KCNQ1: variants seen among roughly 807,000 people sequenced by gnomAD.
KCNQ1 encodes potassium voltage-gated channel subfamily KQT member 1.
Under a neutral mutation model 72.4 loss-of-function variants are expected in KCNQ1, and 49 were observed. That is an observed-to-expected ratio of 0.68 (90% CI 0.54 to 0.86). The LOEUF (loss-of-function observed/expected upper bound fraction) is 0.86. Among genes scored for constraint, KCNQ1 ranks in the 40% least tolerant of loss-of-function variants. The probability of loss-of-function intolerance (pLI) is 0.00; values close to 1 mark genes in which losing one functional copy is unlikely to be tolerated. For synonymous variants in KCNQ1, 450 were observed against 412.6 expected (o/e 1.09, Z -1.10); for missense variants, 790 against 945.1 (o/e 0.84, Z 2.15).
rs547734938 is a variant in KCNQ1 at position 2,628,702 on chromosome 11, T to A, written c.1394-33259T>A. 4 of 398,420 alleles carry A rather than the reference T, an allele frequency of 1.0e-5. No homozygotes were observed. In the Admixed American group the frequency reaches 1.8e-4, roughly 18 times the overall value. The allele number at this position is 398,420 out of a possible 1,614,324, so 24.7% of individuals were successfully genotyped here. A position where few individuals can be genotyped will look rare whatever the true frequency, so the allele number is the denominator to read the frequency against. On this transcript the variant is annotated intron_variant, in intron 10 of 15. Transcript: ENST00000155840. ...TGCTTTTGATGTCACATCTAAAAAA[T>A]TGTCACAAAAACCAATGGCAAGGAG...
At chr11:2,641,636 T>A (rs954755184) in intron 10 of KCNQ1, 9 of 398,380 alleles carry the variant, frequency 2.3e-5, no homozygotes, top group Non-Finnish European at 3.5e-5. Context: ...AGCTTTATCA[T>A]TTAATATAGT....
chr11:2,635,944 A>G (rs1265324690), intron 10 of KCNQ1: 4 of 152,166 alleles, frequency 2.6e-5, no homozygotes, highest in Non-Finnish European at 5.9e-5. Context: ...TCTTTGAAGC[A>G]ATTGTGAATG....
chr11:2,729,993 G>T (rs763132363), intron 11 of KCNQ1, among the ~76,000 whole-genome samples: 3 of 152,224 alleles, frequency 2.0e-5, no homozygotes, highest in Non-Finnish European at 2.9e-5. Context: ...CTGAAGTGGG[G>T]ATGGGCCCAC....
intron 11 of KCNQ1, among the ~76,000 whole-genome samples, chr11:2,727,720 C>A (rs989621940): frequency 6.6e-6 from 1 of 152,138 alleles, no homozygotes; most frequent in African/African-American, 2.4e-5. Flanking sequence ...GCAGAGTGAG[C>A]TGAATGGAGA....
intron 15 of KCNQ1, among the ~76,000 whole-genome samples, chr11:2,795,877 C>CG (rs1374446403): frequency 2.0e-4 from 31 of 152,216 alleles, no homozygotes. Flanking sequence ...GGGCGGGGGC[C>CG]GGGGGAACAG....
rs778592323 is a variant in KCNQ1 at position 2,544,607 on chromosome 11, G to A, written c.477+16589G>A. Among the ~76,000 whole-genome samples, 76 of 151,968 alleles carry A rather than the reference G, an allele frequency of 5.0e-4. No individual in the cohort carries two copies. The highest frequency in any genetic ancestry group is 9.3e-4 in the Non-Finnish European group (63 of 67,996). On this transcript the variant is annotated intron_variant, in intron 2 of 15. Transcript: ENST00000155840. The surrounding 1 kb of genome is among the most constrained non-coding windows in gnomAD (Gnocchi z 4.4). ...AGTGTTTCATATTTTTTATGCTATG[G>A]TCAATGGTATTTCTTCTAATCTAGA...
Position 2,627,449 on chromosome 11 carries a change from C to T in KCNQ1, c.1394-34512C>T. ...TCTATGTTTGTACCCTTCAACATTT[C>T]CTATTTCCCCTACTCCCTGACCCCT... On this transcript the variant is annotated intron_variant, in intron 10 of 15. Transcript: ENST00000155840. This position sits in a 1 kb window ranked among gnomAD's most constrained non-coding sequence, Gnocchi z 4.9. The T allele has an allele frequency of 2.5e-6, 1 of 398,532 alleles. No homozygotes were observed. Among genetic ancestry groups the T allele is most frequent in the Non-Finnish European group, 4.4e-6 (1 of 226,036 alleles). The allele number at this position is 398,532 out of a possible 1,614,324, so 24.7% of individuals were successfully genotyped here.
At chr11:2,655,350 A>C in intron 10 of KCNQ1, 1 of 398,698 alleles carries the variant, frequency 2.5e-6, no homozygotes, top group Admixed American at 4.4e-5. Context: ...GAATTAAAGC[A>C]TCAAAAACCA....
intron 10 of KCNQ1, chr11:2,646,467 GC>G (rs1849667946): frequency 5.0e-6 from 2 of 398,564 alleles, no homozygotes; most frequent in African/African-American, 4.1e-5. Flanking sequence ...AAATGGGATT[GC>G]TTTCTTCATT....
intron 1 of KCNQ1, among the ~76,000 whole-genome samples, chr11:2,527,283 G>A (rs1242437809): frequency 6.6e-6 from 1 of 152,156 alleles, no homozygotes; most frequent in African/African-American, 2.4e-5. Flanking sequence ...GGAAGCAGAC[G>A]CTTGGTGCAG....
chr11:2,640,570 T>G (rs1849557667), intron 10 of KCNQ1: 1 of 398,300 alleles, frequency 2.5e-6, no homozygotes, highest in Non-Finnish European at 4.4e-6. Flanking sequence ...TCCTTTTTTT[T>G]TTTTTTTTGA....
At position 2,596,793 on chromosome 11, in the gene KCNQ1, A is replaced by G. The variant is rs941401789; in HGVS notation, c.1393+7939A>G. On this transcript the variant is annotated intron_variant, in intron 10 of 15. Coordinates refer to ENST00000155840, the MANE Select transcript of KCNQ1 (RefSeq NM_000218.3). Reference sequence around the variant, plus strand: ...TCATAATCATGGCGATGGTTTCATCATGTGTCAAAAGTTACCAAATTGCAC... The same window carrying G: ...TCATAATCATGGCGATGGTTTCATCGTGTGTCAAAAGTTACCAAATTGCAC... Among the ~76,000 whole-genome samples the G allele has an allele frequency of 2.0e-5, 3 of 152,058 alleles. No individual in the cohort carries two copies. The East Asian group carries it at 5.8e-4, about 29-fold the overall frequency.
chr11:2,528,435 C>T (rs1847548110), intron 2 of KCNQ1, among the ~76,000 whole-genome samples: 1 of 152,230 alleles, frequency 6.6e-6, no homozygotes, highest in African/African-American at 2.4e-5. Flanking sequence ...AGCAGCAGCC[C>T]CCACCCCAGG....
intron 2 of KCNQ1, among the ~76,000 whole-genome samples, chr11:2,529,819 C>G (rs1364402159): frequency 1.3e-5 from 2 of 152,128 alleles, no homozygotes; most frequent in Non-Finnish European, 2.9e-5. Flanking sequence ...GCCCTCCTGG[C>G]TTCTGTGGGC....
rs1474861513 is a variant in KCNQ1 at position 2,541,949 on chromosome 11, G to A, written c.477+13931G>A. Among the ~76,000 whole-genome samples, 1 of 152,172 alleles carries A rather than the reference G, an allele frequency of 6.6e-6. No homozygotes were observed. The highest frequency in any genetic ancestry group is 2.4e-5 in the African/African-American group (1 of 41,446). On this transcript the variant is annotated intron_variant, in intron 2 of 15. Coordinates refer to ENST00000155840, the MANE Select transcript of KCNQ1 (RefSeq NM_000218.3). This position sits in a 1 kb window ranked among gnomAD's most constrained non-coding sequence, Gnocchi z 4.8. ...CTCTGCACCCCTCCTGTGAAAGGCC[G>A]GCGCAGAGCTGCACCGTGGGGTCCC... is the stretch of plus-strand genomic sequence containing the variant.
At chr11:2,581,056 C>T (rs1327686978) in intron 6 of KCNQ1, among the ~76,000 whole-genome samples, 1 of 152,220 alleles carries the variant, frequency 6.6e-6, no homozygotes, top group Non-Finnish European at 1.5e-5. Context: ...TCAGCATGTT[C>T]ATACTGAAGG....
chr11:2,527,585 A>G (rs1054224896), intron 1 of KCNQ1, among the ~76,000 whole-genome samples: 1 of 152,192 alleles, frequency 6.6e-6, no homozygotes, highest in African/African-American at 2.4e-5. Context: ...GGCAGCCACC[A>G]GCCTGCTTTC....
chr11:2,463,833 A>C lies in KCNQ1; in HGVS notation c.386+18349A>C, dbSNP rs7926155. Among the ~76,000 whole-genome samples the C allele has an allele frequency of 0.026, 3,978 of 152,206 alleles. 126 individuals carry two copies. Among genetic ancestry groups the C allele is most frequent in the African/African-American group, 0.079 (3,273 of 41,534 alleles). The stretch of plus-strand genomic sequence containing the variant: ...TGGCCCGGCCCCCGCTACCACGTGG[A>C]GGCTCCCTGTAGGTGCTTGTGTAGA... On this transcript the variant is annotated intron_variant, in intron 1 of 15. Transcript: ENST00000155840. The surrounding 1 kb of genome is among the most constrained non-coding windows in gnomAD (Gnocchi z 7.0).
At chr11:2,514,392 T>C (rs1324676422) in intron 1 of KCNQ1, among the ~76,000 whole-genome samples, 4 of 152,182 alleles carry the variant, frequency 2.6e-5, no homozygotes, top group Non-Finnish European at 4.4e-5. Context: ...CCGGGTGCCC[T>C]TGACGCATTC....
Sources: gnomAD v4.1 joint callset for allele counts (sites outside exome capture counted in the v4.1 genomes callset) on GRCh38, gnomAD v4.1.1 for gene constraint, Gnocchi (gnomAD v3.1) non-coding constraint, MANE v1.5 for transcripts, NCBI Gene and HGNC (gene_info 2026-07-23, HGNC 2026-07-21) for gene names.